The following DPY19L4 variants were observed in gnomAD, a reference collection of about 807,000 sequenced individuals.
DPY19L4 encodes dpy-19 like 4.
A neutral mutation model predicts 102.8 loss-of-function variants in DPY19L4; 97 were observed. That is an observed-to-expected ratio of 0.94 (90% confidence interval 0.80 to 1.12). The LOEUF (loss-of-function observed/expected upper bound fraction) is 1.12, where lower values mean the gene tolerates loss of function less well. DPY19L4 is among the 50% of genes most tolerant of loss of function. The pLI is 0.00. For synonymous variants in DPY19L4, 252 were observed against 283.1 expected, an observed-to-expected ratio of 0.89 and a Z score of 1.10; for missense variants, 815 against 850.4, an observed-to-expected ratio of 0.96 and a Z score of 0.52.
intron 6 of DPY19L4, among the ~76,000 whole-genome samples, chr8:94,741,690 T>C (rs1411328616): frequency 6.6e-6 from 1 of 152,250 alleles, no homozygotes; most frequent in Non-Finnish European, 1.5e-5. Flanking sequence ...TCAATGTTCT[T>C]CTGTTGCTCA....
At chr8:94,778,515 G>T (rs988596184) in intron 14 of DPY19L4, among the ~76,000 whole-genome samples, 1 of 151,942 alleles carries the variant, frequency 6.6e-6, no homozygotes, top group Non-Finnish European at 1.5e-5. Context: ...ATAAGAATTC[G>T]GCCCTCTGTC....
intron 16 of DPY19L4, among the ~76,000 whole-genome samples, chr8:94,783,102 A>G (rs888498484): frequency 4.7e-4 from 70 of 149,898 alleles, no homozygotes; most frequent in African/African-American, 1.7e-3. Context: ...ATGTATTACA[A>G]CAGCCCTTTG....
intron 14 of DPY19L4, among the ~76,000 whole-genome samples, chr8:94,779,382 G>A (rs7832785): frequency 0.05 from 7,540 of 151,358 alleles, 489 homozygotes; most frequent in African/African-American, 0.15. Flanking sequence ...GAGTGCAGTG[G>A]CACAGTCATA....
intron 17 of DPY19L4, among the ~76,000 whole-genome samples, chr8:94,784,316 T>G (rs950015944): frequency 6.6e-6 from 1 of 152,248 alleles, no homozygotes; most frequent in Non-Finnish European, 1.5e-5. Flanking sequence ...GTTCAGGCGA[T>G]TCTCCTGCCT....
At chr8:94,734,794 C>T (rs953746712) in intron 3 of DPY19L4, 40 bp downstream of exon 3, 1 of 1,611,224 alleles carries the variant, frequency 6.2e-7, no homozygotes, top group Non-Finnish European at 8.5e-7. Context: ...AGTTATTTTC[C>T]CAGGGAACCA....
At chr8:94,751,868 T>C (rs1231107933) in intron 6 of DPY19L4, among the ~76,000 whole-genome samples, 1 of 152,200 alleles carries the variant, frequency 6.6e-6, no homozygotes, top group Non-Finnish European at 1.5e-5. Flanking sequence ...CATATACTTT[T>C]TGGTGGTGGG....
In DPY19L4 at chr8:94,777,650, C is replaced by T; in HGVS notation, c.1455-16C>T. On this transcript the variant is annotated splice_polypyrimidine_tract_variant and intron_variant, in intron 13 of 18. Transcript: ENST00000414645. The stretch of plus-strand genomic sequence containing the variant: ...TCACAGGATGTCTCATGTATGACTC[C>T]ATTTGTGTTTTCTAGCTTGAAGTAC... 1 of 1,609,416 alleles carries T rather than the reference C, an allele frequency of 6.2e-7. No homozygotes were observed. Among genetic ancestry groups the T allele is most frequent in the Non-Finnish European group, 8.5e-7 (1 of 1,177,530 alleles).
chr8:94,761,684 C>T lies in DPY19L4; in HGVS notation c.736-16C>T. The T allele has an allele frequency of 6.4e-7, 1 of 1,564,256 alleles. No homozygotes were observed. The highest frequency in any genetic ancestry group is 2.3e-5 in the East Asian group (1 of 43,528). ...AAAGTTATTGATATTTAGTTTCTTT[C>T]ATTTGTTTTCCCTAGAGGTTTTGCT... On this transcript the variant is annotated splice_polypyrimidine_tract_variant and intron_variant, in intron 7 of 18. Transcript: ENST00000414645.
At position 94,719,997 on chromosome 8, in the gene DPY19L4, C is replaced by A; in HGVS notation, c.-2C>A. ...CAGGGCGCCCTAGCCTTCGCAGAAA[C>A]GATGGCGGAGGAAGAAGGTGATTGC... On this transcript the variant is annotated 5_prime_UTR_variant, in exon 1 of 19. Coordinates refer to ENST00000414645, the MANE Select transcript of DPY19L4 (RefSeq NM_181787.3). The A allele has an allele frequency of 6.5e-7, 1 of 1,529,740 alleles. No homozygotes were observed. Among genetic ancestry groups the A allele is most frequent in the Non-Finnish European group, 8.8e-7 (1 of 1,139,756 alleles). The allele number at this position is 1,529,740 out of a possible 1,614,324, so 94.8% of individuals were successfully genotyped here. A position where few individuals can be genotyped will look rare whatever the true frequency, so the allele number is the denominator to read the frequency against.
intron 6 of DPY19L4, chr8:94,744,407 G>A (rs1267682182): frequency 2.2e-6 from 1 of 456,716 alleles, no homozygotes; most frequent in South Asian, 1.5e-5. Flanking sequence ...ATGAGAGAGT[G>A]TGCCACAATG....
At chr8:94,732,380 T>TC (rs761872485) in intron 2 of DPY19L4, among the ~76,000 whole-genome samples, 2 of 152,112 alleles carry the variant, frequency 1.3e-5, no homozygotes, top group African/African-American at 4.8e-5. Context: ...TCCAAATGTG[T>TC]CTTATGTTAT....
chr8:94,738,410 T>G lies in DPY19L4; in HGVS notation c.294T>G (p.Ile98Met). The G allele has an allele frequency of 6.4e-7, 1 of 1,561,898 alleles. No individual in the cohort carries two copies. The highest frequency in any genetic ancestry group is 8.6e-7 in the Non-Finnish European group (1 of 1,156,148). ...TCACGTTTCAGGGTGACAGTGCCATTTATTACTCCTATTATAAAGATATGT... is the reference window on the plus strand; with the variant it reads ...TCACGTTTCAGGGTGACAGTGCCATGTATTACTCCTATTATAAAGATATGT... ...REITFQGDSAIYYSYYKDMLK... is the reference protein window; with the variant it reads ...REITFQGDSAMYYSYYKDMLK... The change falls in exon 4 of 19, where the codon ATT becomes ATG. Residue 98 changes from isoleucine to methionine, a missense_variant. Physicochemically the swap from Ile to Met is conservative, Grantham distance 10 (BLOSUM62 1). Coordinates refer to ENST00000414645, the MANE Select transcript of DPY19L4 (RefSeq NM_181787.3).
intron 16 of DPY19L4, 127 bp downstream of exon 16, chr8:94,781,293 G>T: frequency 1.3e-6 from 1 of 756,326 alleles, no homozygotes. Flanking sequence ...AGGCGTTTTA[G>T]GGATATTTAG....
intron 7 of DPY19L4, among the ~76,000 whole-genome samples, chr8:94,759,140 C>A (rs3924073): frequency 0.19 from 29,087 of 152,014 alleles, 3,749 homozygotes; most frequent in African/African-American, 0.37. Context: ...TTTATTGTGA[C>A]GAGCGAAAGA....
intron 6 of DPY19L4, among the ~76,000 whole-genome samples, chr8:94,750,137 G>A (rs1340052822): frequency 6.6e-6 from 1 of 152,118 alleles, no homozygotes; most frequent in African/African-American, 2.4e-5. Context: ...TGTATTTTTA[G>A]TAGAGATGGG....
intron 15 of DPY19L4, 42 bp from the exon 16 acceptor site, chr8:94,781,042 T>A (rs1410553032): frequency 2.0e-6 from 3 of 1,483,700 alleles, no homozygotes; most frequent in Non-Finnish European, 2.7e-6. Context: ...ATTACTGACA[T>A]ACATCTTTTG....
intron 8 of DPY19L4, among the ~76,000 whole-genome samples, chr8:94,764,647 AT>A (rs936007219): frequency 1.6e-5 from 2 of 127,888 alleles, no homozygotes; most frequent in African/African-American, 6.0e-5. Context: ...TTATATATAT[AT>A]GTATGTATGT....
At chr8:94,781,505 T>C (rs1813430245) in intron 16 of DPY19L4, among the ~76,000 whole-genome samples, 1 of 152,172 alleles carries the variant, frequency 6.6e-6, no homozygotes, top group Non-Finnish European at 1.5e-5. Context: ...AGTGGATTAT[T>C]AGTTTTGATA....
intron 2 of DPY19L4, among the ~76,000 whole-genome samples, chr8:94,731,092 G>A (rs1032239031): frequency 1.2e-4 from 18 of 150,566 alleles, no homozygotes; most frequent in Non-Finnish European, 8.9e-5. Context: ...TTAAGGTTAG[G>A]CATTTATATA....
Sources: allele counts gnomAD v4.1 joint callset (sites outside exome capture counted in the v4.1 genomes callset), GRCh38; gene constraint gnomAD v4.1.1; transcripts MANE v1.5; gene names NCBI Gene and HGNC (gene_info 2026-07-23, HGNC 2026-07-21).